Variants in DNAJC1 observed in about 807,000 individuals in gnomAD.
DNAJC1 encodes the protein DnaJ heat shock protein family (Hsp40) member C1, also known as dnaJ homolog subfamily C member 1.
DNAJC1 carries 58 observed loss-of-function variants against 76.6 expected under a neutral mutation model. The observed-to-expected ratio is 0.76, with a 90% CI of 0.61 to 0.94. The LOEUF (loss-of-function observed/expected upper bound fraction) is 0.94, where lower values mean the gene tolerates loss of function less well. Ranked by LOEUF, DNAJC1 falls within the 40% of genes least tolerant of loss-of-function variation. The pLI, the probability that DNAJC1 is intolerant of heterozygous loss-of-function variation, is 0.00. For synonymous variants in DNAJC1, 258 were observed against 267.9 expected, an observed-to-expected ratio of 0.96 and a Z score of 0.36; for missense variants, 689 against 677.3, an observed-to-expected ratio of 1.02 and a Z score of -0.19.
intron 7 of DNAJC1, among the ~76,000 whole-genome samples, chr10:21,883,479 A>C (rs1323685187): frequency 1.3e-5 from 2 of 152,204 alleles, no homozygotes; most frequent in African/African-American, 2.4e-5. Flanking sequence ...AATTCCTAGA[A>C]GAGAATAGAG....
chr10:21,904,420 A>AT, intron 7 of DNAJC1, 102 bp downstream of exon 7: 1 of 764,896 alleles, frequency 1.3e-6, no homozygotes. Context: ...AAAAAAAAAA[A>AT]GAAAACCAGA....
rs556645094 is a variant in DNAJC1, at chr10:21,917,221, AATCT to A, written c.729+1554_729+1557del. ...AAATTTATGATGAGGCAAAACAATC[AATCT>A]ATTACATGAATTAACAGCTATCACA... is the stretch of plus-strand genomic sequence containing the variant. On this transcript the variant is annotated intron_variant, in intron 6 of 11. Coordinates refer to ENST00000376980, the MANE Select transcript of DNAJC1 (RefSeq NM_022365.4). Among the ~76,000 whole-genome samples the A allele has an allele frequency of 3.2e-3, 494 of 152,220 alleles. 3 individuals are homozygous for A. Among genetic ancestry groups the A allele is most frequent in the Middle Eastern group, 6.8e-3 (2 of 294 alleles).
intron 1 of DNAJC1, among the ~76,000 whole-genome samples, chr10:21,997,086 C>T (rs1422006419): frequency 6.6e-6 from 1 of 152,148 alleles, no homozygotes; most frequent in Admixed American, 6.5e-5. Flanking sequence ...CAGAGAAAGA[C>T]TGAACTACAC....
intron 3 of DNAJC1, among the ~76,000 whole-genome samples, chr10:21,924,686 T>C (rs188192591): frequency 7.9e-5 from 12 of 152,204 alleles, no homozygotes; most frequent in Admixed American, 3.9e-4. Context: ...AAACCTGTTA[T>C]AGGCATGCTT....
At position 21,969,305 on chromosome 10, in the gene DNAJC1, T is replaced by C. The variant is rs902842490; in HGVS notation, c.222+33908A>G. On this transcript the variant is annotated intron_variant, in intron 1 of 11. Coordinates refer to ENST00000376980, the MANE Select transcript of DNAJC1 (RefSeq NM_022365.4). ...CTTTAACTCCTAAAATCCAAACGAC[T>C]GTGAAGAGAGGATGAGGGCGGGGGA... is the stretch of plus-strand genomic sequence containing the variant. Among the ~76,000 whole-genome samples, 5 of 150,482 alleles carry C rather than the reference T, an allele frequency of 3.3e-5. No homozygotes were observed. The South Asian group carries it at 1.0e-3, about 32-fold the overall frequency.
In DNAJC1 at chr10:21,824,614, T is replaced by C. The variant is rs1470107319; in HGVS notation, c.979-18515A>G. On this transcript the variant is annotated intron_variant, in intron 8 of 11. Transcript: ENST00000376980. Reference sequence around the variant, plus strand: ...GAGATGGACGGTGATGGAAGTCTTATCTGTTTTCTACAGCCTGGGCAAACC... The same window carrying C: ...GAGATGGACGGTGATGGAAGTCTTACCTGTTTTCTACAGCCTGGGCAAACC... Among the ~76,000 whole-genome samples, 3 of 152,160 alleles carry C rather than the reference T, an allele frequency of 2.0e-5. No homozygotes were observed. In the South Asian group the frequency reaches 6.2e-4, roughly 31 times the overall value.
chr10:21,775,050 A>G (rs1278285286), intron 9 of DNAJC1, among the ~76,000 whole-genome samples: 7 of 152,228 alleles, frequency 4.6e-5, no homozygotes, highest in African/African-American at 1.7e-4. Flanking sequence ...TACAGCATCT[A>G]TCACAATTTA....
chr10:21,841,515 C>A (rs1473951074), intron 8 of DNAJC1, among the ~76,000 whole-genome samples: 1 of 152,224 alleles, frequency 6.6e-6, no homozygotes, highest in Non-Finnish European at 1.5e-5. Flanking sequence ...CTCACCATCA[C>A]TGGCCATCAG....
At position 21,759,561 on chromosome 10, in the gene DNAJC1, G is replaced by A. The variant is rs143265965; in HGVS notation, c.1205C>T (p.Thr402Met). The change falls in exon 11 of 12, where the codon ACG (threonine) becomes ATG (methionine). Residue 402 changes from threonine to methionine, a missense_variant. Thr to Met is a moderately conservative substitution (Grantham distance 81). Transcript: ENST00000376980. ...CATGTCATCGGGCAAGGTGGTGGCC[G>A]TTTTGATGGGCCTGGAATTCTGAAC... ...STVQNSRPIKTATTLPDDMIT... is the reference protein window; with the variant it reads ...STVQNSRPIKMATTLPDDMIT... 15 of 1,614,138 alleles carry A rather than the reference G, an allele frequency of 9.3e-6. No homozygotes were observed. The African/African-American group carries it at 9.3e-5, about 10-fold the overall frequency.
At chr10:21,887,291 A>T (rs1011762618) in intron 7 of DNAJC1, among the ~76,000 whole-genome samples, 1 of 152,226 alleles carries the variant, frequency 6.6e-6, no homozygotes, top group Non-Finnish European at 1.5e-5. Context: ...AAGAATCAGT[A>T]TCATTTAAAT....
At chr10:21,779,528 G>C (rs1324474274) in intron 9 of DNAJC1, among the ~76,000 whole-genome samples, 1 of 152,244 alleles carries the variant, frequency 6.6e-6, no homozygotes, top group Admixed American at 6.5e-5. Context: ...ATGTGCAGCT[G>C]AGGGTCCTGA....
At chr10:22,001,269 T>C (rs1838514847) in intron 1 of DNAJC1, among the ~76,000 whole-genome samples, 1 of 152,182 alleles carries the variant, frequency 6.6e-6, no homozygotes, top group South Asian at 2.1e-4. Context: ...GCTTGAAAAC[T>C]ACACATGAAA....
intron 8 of DNAJC1, among the ~76,000 whole-genome samples, chr10:21,823,216 G>C (rs984670916): frequency 6.6e-6 from 1 of 152,132 alleles, no homozygotes; most frequent in Non-Finnish European, 1.5e-5. Context: ...CTAAAACTTA[G>C]ATGAATTATG....
At position 21,756,588 on chromosome 10, in the gene DNAJC1, A is replaced by G. The variant is rs535190673; in HGVS notation, c.*99T>C. Reference sequence around the variant, plus strand: ...TTATTATTTTTTTTTACTAAGGCACATGACGTAGAAATATTGAGGTACAAA... The same window carrying G: ...TTATTATTTTTTTTTACTAAGGCACGTGACGTAGAAATATTGAGGTACAAA... On this transcript the variant is annotated 3_prime_UTR_variant, in exon 12 of 12. Transcript: ENST00000376980. 16 of 801,260 alleles carry G rather than the reference A, an allele frequency of 2.0e-5. No individual in the cohort carries two copies. The South Asian group carries it at 2.3e-4, about 12-fold the overall frequency. 49.6% of individuals were successfully genotyped at this position (801,260 alleles called of 1,614,324 possible).
At chr10:21,757,989 G>A (rs1244148248) in intron 11 of DNAJC1, among the ~76,000 whole-genome samples, 6 of 152,202 alleles carry the variant, frequency 3.9e-5, no homozygotes, top group Non-Finnish European at 5.9e-5. Context: ...CCTGTGTCCT[G>A]ACAGATGCTA....
intron 7 of DNAJC1, among the ~76,000 whole-genome samples, chr10:21,890,200 G>T (rs924059053): frequency 4.6e-5 from 7 of 152,028 alleles, no homozygotes; most frequent in Admixed American, 4.6e-4. Context: ...ATGACCTGAG[G>T]TCAGGAGTTC....
At chr10:21,813,073 A>G (rs1268540913) in intron 8 of DNAJC1, among the ~76,000 whole-genome samples, 2 of 114,966 alleles carry the variant, frequency 1.7e-5, no homozygotes, top group East Asian at 3.2e-4. Context: ...ATATATACAT[A>G]TATATACATA....
intron 9 of DNAJC1, among the ~76,000 whole-genome samples, chr10:21,780,419 G>A (rs1220549094): frequency 6.6e-6 from 1 of 152,228 alleles, no homozygotes; most frequent in Non-Finnish European, 1.5e-5. Context: ...CTACAAGCCA[G>A]AAGACAGTGG....
At chr10:21,762,052 C>T (rs1834247345) in intron 10 of DNAJC1, among the ~76,000 whole-genome samples, 2 of 152,142 alleles carry the variant, frequency 1.3e-5, no homozygotes, top group African/African-American at 2.4e-5. Flanking sequence ...GGACTACAGG[C>T]GTCAGCCTCT....
Sources: gnomAD v4.1 joint callset for allele counts (sites outside exome capture counted in the v4.1 genomes callset) on GRCh38, gnomAD v4.1.1 for gene constraint, MANE v1.5 for transcripts, NCBI Gene and HGNC (gene_info 2026-07-23, HGNC 2026-07-21) for gene names.